The following KCNN2 variants were observed in gnomAD, a reference collection of about 807,000 sequenced individuals.
The protein encoded by KCNN2 is small conductance calcium-activated potassium channel protein 2.
Under a neutral mutation model 55.5 loss-of-function variants are expected in KCNN2, and 24 were observed. The ratio of observed to expected loss-of-function variants is 0.43; its 90% CI spans 0.31 to 0.61. The LOEUF (loss-of-function observed/expected upper bound fraction) is 0.61, where lower values mean the gene tolerates loss of function less well. Among genes scored for constraint, KCNN2 ranks in the 20% least tolerant of loss-of-function variants. The pLI, the probability that KCNN2 is intolerant of heterozygous loss-of-function variation, is 0.08. For missense variants in KCNN2, 754 were observed against 853.6 expected, an observed-to-expected ratio of 0.88 and a Z score of 1.45; for synonymous variants, 431 against 336.1, an observed-to-expected ratio of 1.28 and a Z score of -3.09.
chr5:114,313,294 A>G (rs62382911), intron 2 of KCNN2, among the ~76,000 whole-genome samples: 15,840 of 152,214 alleles, frequency 0.1, 1,025 homozygotes, highest in Middle Eastern at 0.21. Flanking sequence ...TTCAAGGAAC[A>G]TTTAATTCCC....
chr5:114,479,243 A>G (rs1213093826), intron 5 of KCNN2, among the ~76,000 whole-genome samples: 3 of 151,826 alleles, frequency 2.0e-5, no homozygotes, highest in Non-Finnish European at 4.4e-5. Flanking sequence ...AAAAAAAGAA[A>G]AACAAAACAG....
chr5:114,117,311 G>A (rs1213097325), intron 1 of KCNN2, among the ~76,000 whole-genome samples: 2 of 152,118 alleles, frequency 1.3e-5, no homozygotes, highest in Non-Finnish European at 1.5e-5. Flanking sequence ...CCTGGATCAT[G>A]TTCAGTGTTC....
At chr5:114,429,116 A>C (rs1336863928) in intron 3 of KCNN2, among the ~76,000 whole-genome samples, 1 of 152,106 alleles carries the variant, frequency 6.6e-6, no homozygotes, top group Non-Finnish European at 1.5e-5. Flanking sequence ...TATGGAAAGA[A>C]TATGTTTAGT....
At chr5:114,423,221 T>C (rs1334743494) in intron 3 of KCNN2, among the ~76,000 whole-genome samples, 1 of 151,946 alleles carries the variant, frequency 6.6e-6, no homozygotes, top group Non-Finnish European at 1.5e-5. Flanking sequence ...GATCAGAAAA[T>C]AGTTGTTGGA....
Position 114,400,749 on chromosome 5 carries a change from C to G in KCNN2, c.1219-3689C>G, listed in dbSNP as rs1758761578. ...CCAGGGCCTTTACATGTGCTGTTTCCTGTGCCTAGAATATTATTCCTCTGG... is the reference window on the plus strand; with the variant it reads ...CCAGGGCCTTTACATGTGCTGTTTCGTGTGCCTAGAATATTATTCCTCTGG... On this transcript the variant is annotated intron_variant, in intron 2 of 7. Transcript: ENST00000673685. Among the ~76,000 whole-genome samples the G allele has an allele frequency of 2.0e-5, 3 of 152,268 alleles. No homozygotes were observed. The East Asian group carries it at 5.8e-4, about 29-fold the overall frequency.
intron 3 of KCNN2, among the ~76,000 whole-genome samples, chr5:114,411,947 A>G (rs1759148718): frequency 6.6e-6 from 1 of 152,224 alleles, no homozygotes; most frequent in African/African-American, 2.4e-5. Context: ...GCCCCATAAT[A>G]AAACTATATA....
At chr5:114,282,663 G>T (rs902206441) in intron 2 of KCNN2, among the ~76,000 whole-genome samples, 2 of 152,052 alleles carry the variant, frequency 1.3e-5, no homozygotes, top group African/African-American at 4.8e-5. Context: ...TTGGTTTTTG[G>T]TAACAAGGTT....
chr5:114,129,259 G>A (rs536291906), intron 1 of KCNN2, among the ~76,000 whole-genome samples: 1 of 152,278 alleles, frequency 6.6e-6, no homozygotes, highest in East Asian at 1.9e-4. Context: ...GGTATCCAAA[G>A]TAACTGATGT....
intron 2 of KCNN2, among the ~76,000 whole-genome samples, chr5:114,366,435 G>A (rs13157115): frequency 0.27 from 40,378 of 151,916 alleles, 6,234 homozygotes; most frequent in Non-Finnish European, 0.35. Flanking sequence ...TTTTTTACTC[G>A]GTGTATTATC....
rs370906486 is a variant in KCNN2, at chr5:114,069,891, A to G, written c.-271+13391A>G. ...ATGCATGTCCCAGCTGTTGATGGGA[A>G]TGCAAGGATACAGGTAAGAGGACAT... is the stretch of plus-strand genomic sequence containing the variant. On this transcript the variant is annotated intron_variant, in intron 1 of 10. Coordinates refer to the KCNN2 transcript ENST00000512097. Among the ~76,000 whole-genome samples, 8 of 152,332 alleles carry G rather than the reference A, an allele frequency of 5.3e-5. No homozygotes were observed. The East Asian group carries it at 1.2e-3, about 22-fold the overall frequency.
intron 2 of KCNN2, among the ~76,000 whole-genome samples, chr5:114,277,798 G>A (rs1477514993): frequency 1.3e-5 from 2 of 152,126 alleles, no homozygotes; most frequent in African/African-American, 4.8e-5. Flanking sequence ...CCTTTAGCTT[G>A]GAGAAGTTTG....
chr5:114,335,649 C>G (rs1258514770), intron 2 of KCNN2, among the ~76,000 whole-genome samples: 1 of 152,058 alleles, frequency 6.6e-6, no homozygotes, highest in Non-Finnish European at 1.5e-5. Flanking sequence ...GAGATTTGGG[C>G]TGGTTTTCAT....
chr5:114,295,354 A>G (rs1755987567), intron 2 of KCNN2, among the ~76,000 whole-genome samples: 1 of 152,206 alleles, frequency 6.6e-6, no homozygotes, highest in Non-Finnish European at 1.5e-5. Flanking sequence ...GGCTCCACCC[A>G]GTTCGAGCTT....
chr5:114,139,397 C>G (rs1378735426), intron 1 of KCNN2, among the ~76,000 whole-genome samples: 1 of 151,472 alleles, frequency 6.6e-6, no homozygotes, highest in South Asian at 2.1e-4. Flanking sequence ...GTCTGGCTTC[C>G]TCTCCACTTC....
At chr5:114,094,548 A>G (rs1341526924) in intron 1 of KCNN2, among the ~76,000 whole-genome samples, 1 of 152,220 alleles carries the variant, frequency 6.6e-6, no homozygotes, top group South Asian at 2.1e-4. Context: ...GATTTAGGGG[A>G]AAAACTACTT....
chr5:114,408,671 C>G (rs928510483), intron 3 of KCNN2, among the ~76,000 whole-genome samples: 13 of 152,042 alleles, frequency 8.6e-5, no homozygotes, highest in African/African-American at 3.1e-4. Flanking sequence ...GGGAAATAGC[C>G]AGGTCTGACA....
chr5:114,367,977 G>A (rs576022740), intron 2 of KCNN2, among the ~76,000 whole-genome samples: 39 of 152,170 alleles, frequency 2.6e-4, no homozygotes, highest in Non-Finnish European at 5.0e-4. Context: ...AAACATTTTC[G>A]TTTGTTTGTT....
intron 1 of KCNN2, among the ~76,000 whole-genome samples, chr5:114,067,148 C>T (rs1052814162): frequency 1.3e-5 from 2 of 152,184 alleles, no homozygotes; most frequent in African/African-American, 4.8e-5. Flanking sequence ...TCATGGTCCA[C>T]AGTAGGATCT....
intron 2 of KCNN2, among the ~76,000 whole-genome samples, chr5:114,292,751 G>A (rs1755922677): frequency 6.6e-6 from 1 of 152,114 alleles, no homozygotes; most frequent in South Asian, 2.1e-4. Context: ...AGCTTGATGG[G>A]GATGGCATTG....
Sources: gnomAD v4.1 joint callset for allele counts (sites outside exome capture counted in the v4.1 genomes callset) on GRCh38, gnomAD v4.1.1 for gene constraint, MANE v1.5 for transcripts, NCBI Gene and HGNC (gene_info 2026-07-23, HGNC 2026-07-21) for gene names.